The following SNX29 variants were observed in gnomAD, a reference collection of about 807,000 sequenced individuals.
SNX29 encodes the protein sorting nexin-29.
Under a neutral mutation model 102.1 loss-of-function variants are expected in SNX29, and 78 were observed. That is an observed-to-expected ratio of 0.76 (90% CI 0.64 to 0.92). The LOEUF (loss-of-function observed/expected upper bound fraction) is 0.92. Ranked by LOEUF, SNX29 falls within the 40% of genes least tolerant of loss-of-function variation. The pLI is 0.00. For missense variants in SNX29, 1,280 were observed against 1,061.7 expected, an observed-to-expected ratio of 1.21 and a Z score of -2.86; for synonymous variants, 580 against 414.5, an observed-to-expected ratio of 1.40 and a Z score of -4.85.
At chr16:12,348,337 G>A (rs2081885492) in intron 15 of SNX29, among the ~76,000 whole-genome samples, 1 of 152,170 alleles carries the variant, frequency 6.6e-6, no homozygotes, top group South Asian at 2.1e-4. Flanking sequence ...CTAGCTGCTG[G>A]GGAGCTCCTA....
intron 7 of SNX29, among the ~76,000 whole-genome samples, chr16:12,048,825 A>G (rs987436465): frequency 6.6e-6 from 1 of 152,210 alleles, no homozygotes; most frequent in Non-Finnish European, 1.5e-5. Flanking sequence ...GCCGGGTGGA[A>G]AAATGAACAG....
intron 14 of SNX29, among the ~76,000 whole-genome samples, chr16:12,235,585 C>T (rs568941310): frequency 6.6e-6 from 1 of 152,120 alleles, no homozygotes; most frequent in South Asian, 2.1e-4. Context: ...TTTCACCTGC[C>T]TAACATTGGC....
intron 14 of SNX29, among the ~76,000 whole-genome samples, chr16:12,256,377 C>T: frequency 6.6e-6 from 1 of 152,102 alleles, no homozygotes; most frequent in Non-Finnish European, 1.5e-5. Flanking sequence ...GGTGGAGTCT[C>T]ATTCTGTCAT....
Position 12,334,058 on chromosome 16 carries a change from G to A in SNX29, c.1783-22105G>A, listed in dbSNP as rs983011944. Among the ~76,000 whole-genome samples the A allele has an allele frequency of 2.6e-5, 4 of 152,112 alleles. No individual in the cohort carries two copies. The South Asian group carries it at 8.3e-4, about 31-fold the overall frequency. The stretch of plus-strand genomic sequence containing the variant: ...TTTTTAGACGGCCTTGTAGGGAAGC[G>A]AAAACATGGCTCATCCCTTTCAGCT... On this transcript the variant is annotated intron_variant, in intron 15 of 20. Coordinates refer to ENST00000566228, the MANE Select transcript of SNX29 (RefSeq NM_032167.5).
At chr16:12,248,367 T>C (rs2078321064) in intron 14 of SNX29, among the ~76,000 whole-genome samples, 1 of 151,852 alleles carries the variant, frequency 6.6e-6, no homozygotes, top group African/African-American at 2.4e-5. Flanking sequence ...TACATGGCTC[T>C]CTTCCTCTCC....
intron 18 of SNX29, among the ~76,000 whole-genome samples, chr16:12,429,677 A>G (rs1456653278): frequency 6.6e-6 from 1 of 152,086 alleles, no homozygotes. Context: ...CTGTCATATC[A>G]TTTCTCTGAT....
chr16:12,254,159 C>T (rs753164961), intron 14 of SNX29, among the ~76,000 whole-genome samples: 6 of 152,006 alleles, frequency 3.9e-5, no homozygotes, highest in South Asian at 2.1e-4. Context: ...TGAACATCTA[C>T]GGAGAGACAG....
chr16:12,402,540 G>A (rs118132277), intron 17 of SNX29, among the ~76,000 whole-genome samples: 420 of 152,322 alleles, frequency 2.8e-3, no homozygotes, highest in Non-Finnish European at 4.9e-3. Flanking sequence ...GAAGTTTCAG[G>A]GACAGTCAGC....
chr16:12,042,157 G>A (rs2049904889), intron 4 of SNX29, among the ~76,000 whole-genome samples: 3 of 151,924 alleles, frequency 2.0e-5, no homozygotes, highest in Admixed American at 6.6e-5. Flanking sequence ...CAGCCTGCCC[G>A]GTAGGTGGGA....
intron 13 of SNX29, among the ~76,000 whole-genome samples, chr16:12,176,841 T>G (rs1205131570): frequency 6.6e-6 from 1 of 152,206 alleles, no homozygotes; most frequent in Non-Finnish European, 1.5e-5. Context: ...TGATTTGAAT[T>G]TGACAACCTG....
intron 20 of SNX29, chr16:12,561,292 C>A (rs769267766): frequency 8.7e-6 from 2 of 230,790 alleles, no homozygotes; most frequent in Admixed American, 1.1e-4. Context: ...GGAGAACATT[C>A]TCCATGATCT....
chr16:12,487,281 T>C (rs2088291137), intron 19 of SNX29, among the ~76,000 whole-genome samples: 1 of 152,200 alleles, frequency 6.6e-6, no homozygotes, highest in African/African-American at 2.4e-5. Context: ...ACCCTGAACC[T>C]GTGCAGTGGG....
chr16:12,145,248 C>G (rs2055019497), intron 13 of SNX29, among the ~76,000 whole-genome samples: 1 of 151,654 alleles, frequency 6.6e-6, no homozygotes, highest in Non-Finnish European at 1.5e-5. Context: ...AGCATAACAA[C>G]TCAAAATGGG....
At chr16:12,434,392 G>A (rs2085441668) in intron 18 of SNX29, among the ~76,000 whole-genome samples, 1 of 152,158 alleles carries the variant, frequency 6.6e-6, no homozygotes, top group African/African-American at 2.4e-5. Context: ...CCTGTACCCT[G>A]AAAACTGCAA....
intron 15 of SNX29, among the ~76,000 whole-genome samples, chr16:12,286,914 C>T (rs993366369): frequency 6.6e-6 from 1 of 152,140 alleles, no homozygotes; most frequent in African/African-American, 2.4e-5. Context: ...CACATTACTG[C>T]AATACCATAG....
At position 12,317,341 on chromosome 16, in the gene SNX29, G is replaced by A. The variant is rs552782887; in HGVS notation, c.1783-38822G>A. Among the ~76,000 whole-genome samples, 5 of 152,292 alleles carry A rather than the reference G, an allele frequency of 3.3e-5. No homozygotes were observed. The East Asian group carries it at 9.7e-4, about 29-fold the overall frequency. ...AGGTGGCTCCCCTCGTCTTCCCCCT[G>A]GCTTCTGTGTGTCCTTCTCTGTCTT... is the stretch of plus-strand genomic sequence containing the variant. On this transcript the variant is annotated intron_variant, in intron 15 of 20. Transcript: ENST00000566228.
intron 18 of SNX29, among the ~76,000 whole-genome samples, chr16:12,462,181 C>G (rs1384228610): frequency 6.6e-6 from 1 of 151,426 alleles, no homozygotes; most frequent in Non-Finnish European, 1.5e-5. Context: ...CCAGCGAGCT[C>G]TCAGTCCTGG....
intron 19 of SNX29, among the ~76,000 whole-genome samples, chr16:12,501,498 G>T (rs2089120446): frequency 6.6e-6 from 1 of 152,172 alleles, no homozygotes; most frequent in South Asian, 2.1e-4. Flanking sequence ...GAGGTGAGTG[G>T]ATCACCTGAG....
In SNX29 at chr16:12,572,541, G is replaced by C. The variant is rs570585497; in HGVS notation, c.*3912G>C. ...TGCTCAAGCCCCCACAGGGGGCTGC[G>C]ACACCATCTGGCTCCTCACAGGGAG... On this transcript the variant is annotated 3_prime_UTR_variant, in exon 21 of 21. Transcript: ENST00000566228. The C allele has an allele frequency of 1.2e-5, 13 of 1,063,396 alleles. No homozygotes were observed. The highest frequency in any genetic ancestry group is 1.4e-5 in the Non-Finnish European group (12 of 878,034). 65.9% of individuals were successfully genotyped at this position (1,063,396 alleles called of 1,614,324 possible). A position where few individuals can be genotyped will look rare whatever the true frequency, so the allele number is the denominator to read the frequency against.
Sources: allele counts gnomAD v4.1 joint callset (sites outside exome capture counted in the v4.1 genomes callset), GRCh38; gene constraint gnomAD v4.1.1; transcripts MANE v1.5; gene names NCBI Gene and HGNC (gene_info 2026-07-23, HGNC 2026-07-21).